Variants in NHEJ1 observed in about 807,000 individuals in gnomAD.
The protein encoded by NHEJ1 is non-homologous end-joining factor 1.
NHEJ1 carries 22 observed loss-of-function variants against 39.4 expected under a neutral mutation model. That is an observed-to-expected ratio of 0.56 (90% CI 0.40 to 0.80). NHEJ1 has a LOEUF of 0.80. Ranked by LOEUF, NHEJ1 falls within the 30% of genes least tolerant of loss-of-function variation. The probability of loss-of-function intolerance (pLI) is 0.00; values close to 1 mark genes in which losing one functional copy is unlikely to be tolerated. For missense variants in NHEJ1, 329 were observed against 357.1 expected, an observed-to-expected ratio of 0.92 and a Z score of 0.63; for synonymous variants, 154 against 135.6, an observed-to-expected ratio of 1.14 and a Z score of -0.94.
intron 5 of NHEJ1, among the ~76,000 whole-genome samples, chr2:219,136,071 T>C (rs1949624889): frequency 6.6e-6 from 1 of 152,176 alleles, no homozygotes; most frequent in African/African-American, 2.4e-5. Context: ...CTGATATACA[T>C]GTTTATGTAA....
rs754927224 is a variant in NHEJ1, at chr2:219,077,246, C to T, written c.825G>A (p.Thr275=). 22 of 1,611,312 alleles carry T rather than the reference C, an allele frequency of 1.4e-5. No homozygotes were observed. The highest frequency in any genetic ancestry group is 3.3e-5 in the South Asian group (3 of 91,048). Residue 275 remains threonine, a splice_region_variant and synonymous_variant, in exon 7 of 8, where the codon ACG becomes ACA. Transcript: ENST00000356853. ...PTLSAPEKES[T]GTSGPLQRPQ... is the part of the protein sequence containing the mutation. ...ATCCAGGAAGCTGCTCATGACTCAC[C>T]GTGGACTCTTTCTCAGGTGCTGAGA...
intron 5 of NHEJ1, among the ~76,000 whole-genome samples, chr2:219,144,516 C>A (rs1304271209): frequency 6.6e-6 from 1 of 151,994 alleles, no homozygotes; most frequent in Non-Finnish European, 1.5e-5. Context: ...CAAGGTGAAG[C>A]TGACATCTAG....
At chr2:219,121,263 T>C (rs1345995547) in intron 5 of NHEJ1, among the ~76,000 whole-genome samples, 1 of 151,872 alleles carries the variant, frequency 6.6e-6, no homozygotes, top group East Asian at 1.9e-4. Flanking sequence ...AGTAACATAA[T>C]CTAGTCAGGT....
intron 5 of NHEJ1, among the ~76,000 whole-genome samples, chr2:219,143,664 T>C (rs1391336911): frequency 1.3e-5 from 2 of 152,212 alleles, no homozygotes; most frequent in Non-Finnish European, 2.9e-5. Flanking sequence ...TCTACAAGTC[T>C]ATGAGGTTGA....
At chr2:219,083,471 G>A (rs1160183470) in intron 5 of NHEJ1, among the ~76,000 whole-genome samples, 4 of 147,462 alleles carry the variant, frequency 2.7e-5, no homozygotes, top group Non-Finnish European at 3.0e-5. Flanking sequence ...AAAATTACTA[G>A]AAAAAAAAAA....
At chr2:219,104,485 A>C (rs1329127963) in intron 5 of NHEJ1, among the ~76,000 whole-genome samples, 1 of 152,132 alleles carries the variant, frequency 6.6e-6, no homozygotes, top group African/African-American at 2.4e-5. Flanking sequence ...TATCAAGGCT[A>C]CTCTTTGAAG....
At chr2:219,134,543 T>C (rs955290333) in intron 5 of NHEJ1, among the ~76,000 whole-genome samples, 2 of 152,158 alleles carry the variant, frequency 1.3e-5, no homozygotes, top group African/African-American at 2.4e-5. Flanking sequence ...CTATTCCCCA[T>C]ATCTCAATCT....
In NHEJ1 at chr2:219,077,326, T is replaced by C; in HGVS notation, c.745A>G (p.Ile249Val). The change falls in exon 7 of 8, where the codon ATC becomes GTC. Residue 249 changes from isoleucine (I) to valine (V), a missense_variant. Coordinates refer to ENST00000356853, the MANE Select transcript of NHEJ1 (RefSeq NM_024782.3). ...GGCTGGTTTACACATTGGCTATCGA[T>C]TCCTTGCAGGGAAGCACTGTTTGAG... is the stretch of plus-strand genomic sequence containing the variant. ...HTSNSASLQG[I>V]DSQCVNQPEQ... 6.2e-7 allele frequency: 1 copy of C among 1,614,116 alleles called. No homozygotes were observed. Among genetic ancestry groups the C allele is most frequent in the Non-Finnish European group, 8.5e-7 (1 of 1,180,004 alleles).
At chr2:219,153,176 A>G (rs761998770) in intron 3 of NHEJ1, among the ~76,000 whole-genome samples, 3 of 152,228 alleles carry the variant, frequency 2.0e-5, no homozygotes, top group Non-Finnish European at 2.9e-5. Context: ...AATGCTAAAC[A>G]TAAGTAATAT....
chr2:219,157,755 G>A, intron 2 of NHEJ1, 71 bp from the exon 3 acceptor site: 1 of 1,266,762 alleles, frequency 7.9e-7, no homozygotes, highest in Non-Finnish European at 1.1e-6. Flanking sequence ...TAACAGCAAA[G>A]GAAAGCCCTG....
At chr2:219,113,054 C>G (rs909137859) in intron 5 of NHEJ1, among the ~76,000 whole-genome samples, 2 of 152,140 alleles carry the variant, frequency 1.3e-5, no homozygotes, top group East Asian at 3.8e-4. Flanking sequence ...GGTAGGCAGG[C>G]AACTATCACG....
In NHEJ1 at chr2:219,074,129, G is replaced by A. The variant is rs932365368; in HGVS notation, c.*2252C>T. On this transcript the variant is annotated 3_prime_UTR_variant, in exon 8 of 8. Coordinates refer to ENST00000356853, the MANE Select transcript of NHEJ1 (RefSeq NM_024782.3). ...AACGTATTTAAGCAATACCCCAATGGAGACAGCAACCTTTGGGGATGATGG... is the reference window on the plus strand; with the variant it reads ...AACGTATTTAAGCAATACCCCAATGAAGACAGCAACCTTTGGGGATGATGG... 6.6e-6 allele frequency among the ~76,000 whole-genome samples: 1 copy of A among 152,260 alleles called. No homozygotes were observed. The highest frequency in any genetic ancestry group is 1.5e-5 in the Non-Finnish European group (1 of 68,044).
intron 3 of NHEJ1, among the ~76,000 whole-genome samples, chr2:219,154,399 ACGG>A (rs914276785): frequency 1.3e-4 from 20 of 152,208 alleles, no homozygotes; most frequent in African/African-American, 4.6e-4. Context: ...GGACTAGGGA[ACGG>A]GGTAGAAAGA....
chr2:219,119,445 T>TTC (rs1211731830), intron 5 of NHEJ1, among the ~76,000 whole-genome samples: 1 of 152,102 alleles, frequency 6.6e-6, no homozygotes, highest in African/African-American at 2.4e-5. Flanking sequence ...AGGGTAGAGA[T>TTC]TCCAGTGATG....
intron 5 of NHEJ1, among the ~76,000 whole-genome samples, chr2:219,129,754 C>A (rs1157387902): frequency 6.6e-6 from 1 of 152,238 alleles, no homozygotes; most frequent in African/African-American, 2.4e-5. Flanking sequence ...AAATTTAACG[C>A]CCTGCGCGGC....
chr2:219,144,932 A>G (rs1193946752), intron 5 of NHEJ1, among the ~76,000 whole-genome samples: 5 of 152,124 alleles, frequency 3.3e-5, no homozygotes, highest in Non-Finnish European at 4.4e-5. Flanking sequence ...AACCTTTTCT[A>G]GGCTAGGCAT....
At position 219,158,296 on chromosome 2, in the gene NHEJ1, G is replaced by A. The variant is rs1443096443; in HGVS notation, c.67C>T (p.Leu23Phe). Reference protein sequence around the residue: ...WAWLQLAENSLLAKVFITKQG... With the variant: ...WAWLQLAENSFLAKVFITKQG... ...TTGGTGATAAAAACCTTGGCCAAGA[G>A]GGAGTTCTCTGCAAGCTGTAGCCAC... The change falls in exon 2 of 8, where the codon CTC becomes TTC. Residue 23 changes from leucine (L) to phenylalanine (F), a missense_variant. By Grantham distance (22) the Leu-to-Phe change is conservative. Coordinates refer to ENST00000356853, the MANE Select transcript of NHEJ1 (RefSeq NM_024782.3). 3 of 1,614,202 alleles carry A rather than the reference G, an allele frequency of 1.9e-6. No homozygotes were observed. The highest frequency in any genetic ancestry group is 4.5e-5 in the East Asian group (2 of 44,884).
rs1949928979 is a variant in NHEJ1, at chr2:219,160,785, A to T, written c.-66T>A. 6.6e-6 allele frequency: 1 copy of T among 152,350 alleles called. No individual in the cohort carries two copies. 9.4% of individuals were successfully genotyped at this position (152,350 alleles called of 1,614,324 possible). ...CACGCTTTCCTGCCCGCTCGCGCAA[A>T]CCGAAAGGCCTAGAGTAAGAGGCCG... On this transcript the variant is annotated 5_prime_UTR_variant, in exon 1 of 8. Coordinates refer to ENST00000356853, the MANE Select transcript of NHEJ1 (RefSeq NM_024782.3).
In NHEJ1 at chr2:219,073,969, A is replaced by C. The variant is rs1165811918; in HGVS notation, c.*2412T>G. Among the ~76,000 whole-genome samples the C allele has an allele frequency of 6.6e-6, 1 of 152,218 alleles. No homozygotes were observed. ...GCTGGAATACAGCCTGGCTAGGCCA[A>C]TTTGTCAAAGCAGGGATTTCCCTGG... On this transcript the variant is annotated 3_prime_UTR_variant, in exon 8 of 8. Coordinates refer to ENST00000356853, the MANE Select transcript of NHEJ1 (RefSeq NM_024782.3).
Sources: allele counts gnomAD v4.1 joint callset (sites outside exome capture counted in the v4.1 genomes callset), GRCh38; gene constraint gnomAD v4.1.1; transcripts MANE v1.5; gene names NCBI Gene and HGNC (gene_info 2026-07-23, HGNC 2026-07-21).